CHD9: variants seen among roughly 807,000 people sequenced by gnomAD.
The protein encoded by CHD9 is ATP-dependent chromatin remodeler CHD9.
Under a neutral mutation model 316.1 loss-of-function variants are expected in CHD9, and 77 were observed. That is an observed-to-expected ratio of 0.24 (90% CI 0.20 to 0.29). The LOEUF is 0.29. CHD9 is among the 10% of genes least tolerant of loss of function. The pLI is 1.00. For synonymous variants in CHD9, 1,129 were observed against 1,158.3 expected, an observed-to-expected ratio of 0.97 and a Z score of 0.51; for missense variants, 2,763 against 3,438.1, an observed-to-expected ratio of 0.80 and a Z score of 4.91.
chr16:53,195,342 A>C (rs562866088), intron 2 of CHD9, among the ~76,000 whole-genome samples: 1 of 152,358 alleles, frequency 6.6e-6, no homozygotes. Context: ...GGAATTGTTC[A>C]ATCATTGGGT....
intron 1 of CHD9, chr16:53,121,502 G>A (rs1386704059): frequency 2.2e-6 from 1 of 448,664 alleles, no homozygotes; most frequent in African/African-American, 2.0e-5. Flanking sequence ...ATGCTTTGAA[G>A]TATATTCTAG....
chr16:53,226,569 A>G (rs1184635292), intron 5 of CHD9, 57 bp downstream of exon 5: 1 of 1,543,318 alleles, frequency 6.5e-7, no homozygotes, highest in Non-Finnish European at 8.7e-7. Flanking sequence ...AAATTCTATA[A>G]ATACTTGCAT....
intron 1 of CHD9, among the ~76,000 whole-genome samples, chr16:53,061,417 T>A (rs1026561118): frequency 1.3e-5 from 2 of 152,118 alleles, no homozygotes; most frequent in African/African-American, 4.8e-5. Flanking sequence ...TGACAGAAGT[T>A]TAAAGCTGTG....
At chr16:53,169,685 C>A (rs530877524) in intron 2 of CHD9, among the ~76,000 whole-genome samples, 1 of 152,098 alleles carries the variant, frequency 6.6e-6, no homozygotes, top group African/African-American at 2.4e-5. Context: ...GATGTTGCCC[C>A]TAAATATTTT....
At chr16:53,141,498 C>T (rs1597124145) in intron 1 of CHD9, among the ~76,000 whole-genome samples, 1 of 152,084 alleles carries the variant, frequency 6.6e-6, no homozygotes, top group African/African-American at 2.4e-5. Flanking sequence ...GTGTACAGTT[C>T]AGTGGGGGCA....
At chr16:53,138,940 A>G (rs1260561402) in intron 1 of CHD9, among the ~76,000 whole-genome samples, 1 of 152,218 alleles carries the variant, frequency 6.6e-6, no homozygotes, top group Admixed American at 6.5e-5. Context: ...GCTGATGCTC[A>G]AAGTCAGAAG....
intron 1 of CHD9, among the ~76,000 whole-genome samples, chr16:53,068,973 C>T (rs1414090568): frequency 1.3e-5 from 2 of 151,934 alleles, no homozygotes; most frequent in Non-Finnish European, 2.9e-5. Context: ...CCATTTTAAC[C>T]ATCTTAATGC....
intron 1 of CHD9, among the ~76,000 whole-genome samples, chr16:53,126,266 G>C (rs370862385): frequency 1.9e-4 from 29 of 152,266 alleles, no homozygotes; most frequent in African/African-American, 6.0e-4. Flanking sequence ...TAGTATGTGT[G>C]TATCCAGCAG....
Position 53,327,077 on chromosome 16 carries a change from A to C in CHD9, c.*2182A>C, listed in dbSNP as rs981081757. On this transcript the variant is annotated 3_prime_UTR_variant, in exon 39 of 39. Transcript: ENST00000447540. Reference sequence around the variant, plus strand: ...TAAACATTCTCTTAGGTTTCAAGACACTTCTATTTAATATTCATTGGGGAA... The same window carrying C: ...TAAACATTCTCTTAGGTTTCAAGACCCTTCTATTTAATATTCATTGGGGAA... The C allele has an allele frequency of 6.6e-6, 1 of 152,462 alleles. No individual in the cohort carries two copies. Among genetic ancestry groups the C allele is most frequent in the African/African-American group, 2.4e-5 (1 of 41,420 alleles). The allele number at this position is 152,462 out of a possible 1,614,324, so 9.4% of individuals were successfully genotyped here.
intron 30 of CHD9, among the ~76,000 whole-genome samples, chr16:53,300,980 C>A (rs1044574979): frequency 6.6e-6 from 1 of 151,882 alleles, no homozygotes; most frequent in Non-Finnish European, 1.5e-5. Context: ...GGTCGAGGCA[C>A]GAGAATCACT....
At chr16:53,150,070 T>C (rs1420972136) in intron 1 of CHD9, among the ~76,000 whole-genome samples, 1 of 152,134 alleles carries the variant, frequency 6.6e-6, no homozygotes, top group African/African-American at 2.4e-5. Context: ...ATCTTTTCCT[T>C]TTAAGTAGAA....
rs914693309 is a variant in CHD9, at chr16:53,231,323, C to T, written c.2287-96C>T. The T allele has an allele frequency of 8.4e-6, 5 of 596,028 alleles. No individual in the cohort carries two copies. In the Admixed American group the frequency reaches 1.6e-4, roughly 19 times the overall value. 36.9% of individuals were successfully genotyped at this position (596,028 alleles called of 1,614,324 possible). ...TATTGGACATTTAACTGAAATCAAACTTACAAGGTCTATAGTGAAATGCTA... is the reference window on the plus strand; with the variant it reads ...TATTGGACATTTAACTGAAATCAAATTTACAAGGTCTATAGTGAAATGCTA... On this transcript the variant is annotated intron_variant, in intron 8 of 38. Coordinates refer to ENST00000447540, the MANE Select transcript of CHD9 (RefSeq NM_001308319.2).
intron 1 of CHD9, among the ~76,000 whole-genome samples, chr16:53,072,120 T>G (rs748057855): frequency 2.0e-5 from 3 of 152,058 alleles, no homozygotes; most frequent in Non-Finnish European, 4.4e-5. Flanking sequence ...CTTTCTTCTT[T>G]CTACCTCCTA....
chr16:53,204,255 C>A (rs901684000), intron 2 of CHD9, among the ~76,000 whole-genome samples: 4 of 151,698 alleles, frequency 2.6e-5, no homozygotes, highest in Non-Finnish European at 5.9e-5. Context: ...ATAATTTCTA[C>A]TTATATCCAC....
chr16:53,174,897 G>A (rs1410065439), intron 2 of CHD9, among the ~76,000 whole-genome samples: 1 of 152,166 alleles, frequency 6.6e-6, no homozygotes, highest in Non-Finnish European at 1.5e-5. Context: ...CTTGAGTAAT[G>A]GGAAATTTTG....
rs1225286053 is a variant in CHD9, at chr16:53,080,559, A to G, written c.-165+25482A>G. 2.6e-5 allele frequency among the ~76,000 whole-genome samples: 4 copies of G among 152,176 alleles called. No homozygotes were observed. The East Asian group carries it at 7.7e-4, about 29-fold the overall frequency. ...TCATTCGTGATGTGTTTTTGAACACAACGAGGGGGAAGAGCTCCCACAGTC... is the reference window on the plus strand; with the variant it reads ...TCATTCGTGATGTGTTTTTGAACACGACGAGGGGGAAGAGCTCCCACAGTC... On this transcript the variant is annotated intron_variant, in intron 1 of 38. Coordinates refer to ENST00000447540, the MANE Select transcript of CHD9 (RefSeq NM_001308319.2).
At chr16:53,313,591 C>A (rs2056646232) in intron 34 of CHD9, among the ~76,000 whole-genome samples, 1 of 151,982 alleles carries the variant, frequency 6.6e-6, no homozygotes, top group Admixed American at 6.5e-5. Flanking sequence ...CAGGCGTGAG[C>A]CACTATGCCC....
intron 2 of CHD9, among the ~76,000 whole-genome samples, chr16:53,178,755 A>T (rs953640443): frequency 6.6e-6 from 1 of 151,798 alleles, no homozygotes; most frequent in Non-Finnish European, 1.5e-5. Flanking sequence ...GAGCCACCTC[A>T]CCTGGCCTTA....
intron 1 of CHD9, among the ~76,000 whole-genome samples, chr16:53,150,910 C>CT (rs1451325569): frequency 2.0e-5 from 3 of 151,998 alleles, no homozygotes; most frequent in Admixed American, 2.0e-4. Context: ...TTCTCTTTGT[C>CT]TTTTGACAAA....
Sources: gnomAD v4.1 joint callset for allele counts (sites outside exome capture counted in the v4.1 genomes callset) on GRCh38, gnomAD v4.1.1 for gene constraint, MANE v1.5 for transcripts, NCBI Gene and HGNC (gene_info 2026-07-23, HGNC 2026-07-21) for gene names.